ZMYM2: variants seen among roughly 807,000 people sequenced by gnomAD.
ZMYM2 encodes zinc finger MYM-type protein 2.
ZMYM2 carries 56 observed loss-of-function variants against 162.8 expected under a neutral mutation model. The ratio of observed to expected loss-of-function variants is 0.34; its 90% CI spans 0.28 to 0.43. The LOEUF (loss-of-function observed/expected upper bound fraction) is 0.43. Among genes scored for constraint, ZMYM2 ranks in the 20% least tolerant of loss-of-function variants. The pLI is 1.00. For missense variants in ZMYM2, 1,275 were observed against 1,621.8 expected (o/e 0.79, Z 3.67); for synonymous variants, 510 against 541.6 (o/e 0.94, Z 0.81).
At chr13:20,077,646 A>G (rs1957600055) in intron 21 of ZMYM2, among the ~76,000 whole-genome samples, 1 of 152,072 alleles carries the variant, frequency 6.6e-6, no homozygotes, top group Non-Finnish European at 1.5e-5. Context: ...AGAGAGGGAC[A>G]ATGGCAGTAC....
chr13:19,949,933 G>GAAA, the ZMYM2 span, among the ~76,000 whole-genome samples: 1 of 147,190 alleles, frequency 6.8e-6, no homozygotes. Flanking sequence ...GAGCGAGAGA[G>GAAA]AAAAAAAGAA....
intron 2 of ZMYM2, among the ~76,000 whole-genome samples, chr13:19,968,504 T>A (rs1275279879): frequency 6.6e-6 from 1 of 152,178 alleles, no homozygotes; most frequent in Non-Finnish European, 1.5e-5. Context: ...TCAGGTGATC[T>A]GCCCACCTTG....
chr13:19,986,523 A>T (rs1404612440), intron 2 of ZMYM2, among the ~76,000 whole-genome samples: 1 of 152,202 alleles, frequency 6.6e-6, no homozygotes, highest in Non-Finnish European at 1.5e-5. Context: ...AAAATAAGAT[A>T]TACTAAGGAG....
the ZMYM2 span, among the ~76,000 whole-genome samples, chr13:19,927,098 C>T: frequency 1.3e-5 from 2 of 152,098 alleles, no homozygotes; most frequent in Non-Finnish European, 2.9e-5. Context: ...AGTGATATTC[C>T]CTTTCCTAAG....
intron 14 of ZMYM2, among the ~76,000 whole-genome samples, chr13:20,057,074 C>T (rs1329474039): frequency 1.3e-5 from 2 of 152,040 alleles, no homozygotes; most frequent in Non-Finnish European, 2.9e-5. Flanking sequence ...GCAGCTCCAT[C>T]CACAGTGAAA....
intron 6 of ZMYM2, among the ~76,000 whole-genome samples, chr13:20,009,416 A>G (rs577628389): frequency 4.2e-4 from 64 of 152,326 alleles, no homozygotes; most frequent in Middle Eastern, 3.4e-3. Flanking sequence ...GTGGTAGACT[A>G]TATGTAACAT....
intron 3 of ZMYM2, among the ~76,000 whole-genome samples, chr13:19,997,730 G>A (rs1477891675): frequency 6.6e-6 from 1 of 151,954 alleles, no homozygotes; most frequent in Non-Finnish European, 1.5e-5. Context: ...AAATAATGTT[G>A]TCTTACCGCT....
At chr13:19,986,768 C>A (rs894596611) in intron 2 of ZMYM2, among the ~76,000 whole-genome samples, 1 of 151,714 alleles carries the variant, frequency 6.6e-6, no homozygotes, top group Non-Finnish European at 1.5e-5. Context: ...TATAGCAGCC[C>A]CTTAAAGTAG....
Position 20,006,581 on chromosome 13 carries a change from A to G in ZMYM2, c.1507A>G (p.Lys503Glu), listed in dbSNP as rs746658629. 1 of 1,613,722 alleles carries G rather than the reference A, an allele frequency of 6.2e-7. No individual in the cohort carries two copies. The highest frequency in any genetic ancestry group is 1.7e-5 in the Admixed American group (1 of 60,006). ...CTGTCAAAGTTGTGTCAGTGAATAC[A>G]AACAGGTAATTCATGTTCTAATCAA... ...FCCQSCVSEY[K>E]QVGSHPSFLK... is the part of the protein sequence containing the mutation. The change falls in exon 6 of 25, where the codon AAA becomes GAA. Residue 503 changes from lysine (K) to glutamate (E), a missense_variant. Lys to Glu is a moderately conservative substitution (Grantham distance 56, BLOSUM62 1). Transcript: ENST00000610343.
In ZMYM2 at chr13:20,027,288, T is replaced by C; in HGVS notation, c.1821T>C (p.Phe607=). 6.3e-7 allele frequency: 1 copy of C among 1,577,486 alleles called. No homozygotes were observed. The highest frequency in any genetic ancestry group is 8.6e-7 in the Non-Finnish European group (1 of 1,159,388). The change falls in exon 9 of 25, where the codon TTT becomes TTC. Residue 607 remains phenylalanine, a synonymous_variant. Coordinates refer to ENST00000610343, the MANE Select transcript of ZMYM2 (RefSeq NM_197968.4). ...TGCCTGATGGAAAACTGTACAACTT[T>C]TGCAATTCCAGTTGTGTGGCTAAAT... is the stretch of plus-strand genomic sequence containing the variant. ...ATMPDGKLYN[F]CNSSCVAKFQ... is the part of the protein sequence containing the mutation.
chr13:19,887,549 A>AAT, the ZMYM2 span, among the ~76,000 whole-genome samples: 1 of 151,288 alleles, frequency 6.6e-6, no homozygotes, highest in Non-Finnish European at 1.5e-5. Flanking sequence ...AATACAATAT[A>AAT]ATATATATAT....
chr13:20,059,306 AC>A, intron 15 of ZMYM2, 140 bp from the exon 16 acceptor site: 2 of 770,352 alleles, frequency 2.6e-6, no homozygotes, highest in Non-Finnish European at 3.8e-6. Context: ...TTTTTAAGTT[AC>A]CTAACTTAAA....
intron 21 of ZMYM2, chr13:20,070,858 G>T (rs1957035648): frequency 6.5e-6 from 1 of 153,018 alleles, no homozygotes; most frequent in East Asian, 1.9e-4. Context: ...GGCTGAAACT[G>T]TGTTTCCCTG....
intron 2 of ZMYM2, among the ~76,000 whole-genome samples, chr13:19,991,760 G>A (rs1271197489): frequency 6.6e-6 from 1 of 151,766 alleles, no homozygotes; most frequent in Non-Finnish European, 1.5e-5. Flanking sequence ...CTCCTGAGTA[G>A]TTGGGACTAC....
the ZMYM2 span, among the ~76,000 whole-genome samples, chr13:19,885,997 A>ATATACACATATG: frequency 2.8e-5 from 1 of 35,662 alleles, no homozygotes; most frequent in Admixed American, 3.0e-4. Flanking sequence ...ACACATATAT[A>ATATACACATATG]TGTGTATATA....
chr13:20,016,799 A>T (rs6490508), intron 6 of ZMYM2, among the ~76,000 whole-genome samples: 152,142 of 152,338 alleles, frequency 1, 75,974 homozygotes, highest in Middle Eastern at 1. Context: ...TTGATTATAA[A>T]GTGTCTTATT....
intron 2 of ZMYM2, among the ~76,000 whole-genome samples, chr13:19,980,912 T>C (rs1012915838): frequency 6.6e-6 from 1 of 152,126 alleles, no homozygotes; most frequent in African/African-American, 2.4e-5. Flanking sequence ...CTTTATGTTA[T>C]TGAATCTTGC....
chr13:19,981,989 A>T (rs998729985), intron 2 of ZMYM2, among the ~76,000 whole-genome samples: 1 of 152,154 alleles, frequency 6.6e-6, no homozygotes, highest in Admixed American at 6.5e-5. Context: ...TTTTTATGAA[A>T]TCATGTTTCC....
chr13:20,021,831 G>T (rs1179910563), intron 7 of ZMYM2, among the ~76,000 whole-genome samples: 1 of 152,156 alleles, frequency 6.6e-6, no homozygotes, highest in African/African-American at 2.4e-5. Context: ...GTAGTTTTAA[G>T]ATCACAGATC....
Sources: allele counts gnomAD v4.1 joint callset (sites outside exome capture counted in the v4.1 genomes callset), GRCh38; gene constraint gnomAD v4.1.1; transcripts MANE v1.5; gene names NCBI Gene and HGNC (gene_info 2026-07-23, HGNC 2026-07-21).